Variants in ANKRD6 observed in about 807,000 individuals in gnomAD.
ANKRD6 encodes ankyrin repeat domain-containing protein 6.
In ANKRD6, 56 loss-of-function variants were observed where a neutral mutation model predicts 82.3. The ratio of observed to expected loss-of-function variants is 0.68; its 90% CI spans 0.55 to 0.85. The LOEUF (loss-of-function observed/expected upper bound fraction) is 0.85. Among genes scored for constraint, ANKRD6 ranks in the 40% least tolerant of loss-of-function variants. The pLI, the probability that ANKRD6 is intolerant of heterozygous loss-of-function variation, is 0.00. For missense variants in ANKRD6, 852 were observed against 907.6 expected (o/e 0.94, Z 0.79); for synonymous variants, 347 against 352.1 (o/e 0.99, Z 0.16).
Position 89,627,696 on chromosome 6 carries a change from G to T in ANKRD6, c.1485G>T (p.Gln495His). 6.2e-7 allele frequency: 1 copy of T among 1,613,588 alleles called. No individual in the cohort carries two copies. Among genetic ancestry groups the T allele is most frequent in the South Asian group, 1.1e-5 (1 of 91,064 alleles). ...AGAAGCATGAGGGGGAGAAACGACA[G>T]GTAGGAACCAGCATCTGCTAGTCCT... ...DTEKHEGEKR[Q>H]ISLVDELKTW... Residue 495 changes from glutamine to histidine, a missense_variant and splice_region_variant, in exon 14 of 16, where the codon CAG (glutamine) becomes CAT (histidine). Physicochemically the swap from Gln to His is conservative, Grantham distance 24 (BLOSUM62 0). Coordinates refer to ENST00000339746, the MANE Select transcript of ANKRD6 (RefSeq NM_001242809.2).
chr6:89,472,136 T>C (rs1028746204), intron 1 of ANKRD6, among the ~76,000 whole-genome samples: 1 of 152,086 alleles, frequency 6.6e-6, no homozygotes, highest in Non-Finnish European at 1.5e-5. Flanking sequence ...TAGGGTGGTC[T>C]CCCTATGTAC....
At chr6:89,440,747 A>G (rs1432555874) in intron 1 of ANKRD6, among the ~76,000 whole-genome samples, 3 of 151,840 alleles carry the variant, frequency 2.0e-5, no homozygotes, top group African/African-American at 7.3e-5. Flanking sequence ...GTGCAATATG[A>G]TCATGCCTAT....
intron 2 of ANKRD6, among the ~76,000 whole-genome samples, chr6:89,576,044 C>T (rs1364734728): frequency 6.6e-6 from 1 of 151,974 alleles, no homozygotes; most frequent in African/African-American, 2.4e-5. Flanking sequence ...TTTCCATTTG[C>T]ACAACTTTCT....
In ANKRD6 at chr6:89,622,015, G is replaced by A; in HGVS notation, c.886G>A (p.Ala296Thr). 6.2e-7 allele frequency: 1 copy of A among 1,612,122 alleles called. No homozygotes were observed. Among genetic ancestry groups the A allele is most frequent in the Middle Eastern group, 2.2e-4 (1 of 4,642 alleles). The change falls in exon 10 of 16, where the codon GCC becomes ACC. Residue 296 changes from alanine (A) to threonine (T), a missense_variant. Coordinates refer to ENST00000339746, the MANE Select transcript of ANKRD6 (RefSeq NM_001242809.2). The part of the protein sequence containing the change: ...RAQSVPRDEV[A>T]QSKGSVSAGD... ...CCAGTCTGTGCCAAGAGATGAGGTG[G>A]CCCAAAGCAAGGTGGGGGGCAGTCC...
At chr6:89,621,352 T>C (rs1413768686) in intron 9 of ANKRD6, 1 of 158,696 alleles carries the variant, frequency 6.3e-6, no homozygotes, top group Non-Finnish European at 1.4e-5. Flanking sequence ...CTCTGCACTG[T>C]AAGAGGCAGA....
chr6:89,479,242 GA>G (rs1265329717), intron 1 of ANKRD6, among the ~76,000 whole-genome samples: 1 of 151,994 alleles, frequency 6.6e-6, no homozygotes, highest in Non-Finnish European at 1.5e-5. Flanking sequence ...GCTGAATTTT[GA>G]AGAACCACTG....
intron 1 of ANKRD6, among the ~76,000 whole-genome samples, chr6:89,467,364 G>A (rs1408560587): frequency 1.3e-5 from 2 of 152,066 alleles, no homozygotes; most frequent in Non-Finnish European, 2.9e-5. Flanking sequence ...AGTACTTGTT[G>A]GTAAGTTGAT....
In ANKRD6 at chr6:89,541,387, C is replaced by CTTTTTT. The variant is rs58643589; in HGVS notation, c.-143-25429_-143-25424dup. Among the ~76,000 whole-genome samples the CTTTTTT allele has an allele frequency of 1.3e-3, 82 of 64,088 alleles. 2 individuals are homozygous for CTTTTTT. Among genetic ancestry groups the CTTTTTT allele is most frequent in the Admixed American group, 2.5e-3 (10 of 4,042 alleles). 42.0% of individuals were successfully genotyped at this position (64,088 alleles called of 152,430 possible). A position where few individuals can be genotyped will look rare whatever the true frequency, so the allele number is the denominator to read the frequency against. On this transcript the variant is annotated intron_variant, in intron 1 of 15. Coordinates refer to ENST00000339746, the MANE Select transcript of ANKRD6 (RefSeq NM_001242809.2). ...TCTAGGTATTTAATTTTACGTGTGG[C>CTTTTTT]TTTTTTTTTTTTTTTTTTTTTTTGA...
intron 7 of ANKRD6, 27 bp from the exon 8 acceptor site, chr6:89,616,532 T>A (rs181083561): frequency 2.1e-5 from 34 of 1,610,028 alleles, no homozygotes; most frequent in Middle Eastern, 3.3e-4. Context: ...GCAGATGAGG[T>A]TTAGCAGACC....
At chr6:89,598,243 A>G (rs1221281349) in intron 3 of ANKRD6, 1 of 985,272 alleles carries the variant, frequency 1.0e-6, no homozygotes, top group Non-Finnish European at 1.2e-6. Context: ...GCTTCCTGCC[A>G]ATCGTGTCAA....
At chr6:89,527,408 A>C (rs1782619649) in intron 1 of ANKRD6, among the ~76,000 whole-genome samples, 1 of 152,096 alleles carries the variant, frequency 6.6e-6, no homozygotes, top group African/African-American at 2.4e-5. Flanking sequence ...AGCCTGGCCA[A>C]CATGGTGAAA....
intron 3 of ANKRD6, chr6:89,601,583 T>A (rs1487169644): frequency 1.3e-5 from 2 of 152,230 alleles, no homozygotes; most frequent in African/African-American, 4.8e-5. Context: ...GGGAGACTTT[T>A]TAATTTTAAG....
At chr6:89,552,208 G>T (rs1785948127) in intron 1 of ANKRD6, among the ~76,000 whole-genome samples, 1 of 152,176 alleles carries the variant, frequency 6.6e-6, no homozygotes, top group African/African-American at 2.4e-5. Flanking sequence ...CTTCAGACAG[G>T]GTATTCTTGC....
intron 1 of ANKRD6, among the ~76,000 whole-genome samples, chr6:89,522,424 T>G (rs190215478): frequency 1.3e-5 from 2 of 152,286 alleles, no homozygotes; most frequent in Non-Finnish European, 2.9e-5. Context: ...TTCTGTAGAA[T>G]GAGCTGAAAT....
intron 1 of ANKRD6, among the ~76,000 whole-genome samples, chr6:89,482,988 T>A (rs1258900764): frequency 6.6e-6 from 1 of 152,226 alleles, no homozygotes; most frequent in East Asian, 1.9e-4. Context: ...TGTCTCATAT[T>A]GATCTATAAA....
chr6:89,507,076 TA>T (rs1319043495), intron 1 of ANKRD6, among the ~76,000 whole-genome samples: 1 of 152,240 alleles, frequency 6.6e-6, no homozygotes, highest in Non-Finnish European at 1.5e-5. Context: ...TGTAACAGGG[TA>T]ACTTTTATTA....
chr6:89,618,010 TCTC>T lies in ANKRD6; in HGVS notation c.774_776del (p.Leu259del). On this transcript the variant is annotated inframe_deletion, in exon 9 of 16. Transcript: ENST00000339746. ...ACCACAATAACCCGGAAGTTGCTCT[TCTC>T]CTTACTAAAGCTCCCCAGGTAGGAT... The T allele has an allele frequency of 6.2e-7, 1 of 1,614,056 alleles. No homozygotes were observed. The highest frequency in any genetic ancestry group is 8.5e-7 in the Non-Finnish European group (1 of 1,179,894).
chr6:89,616,835 C>T, intron 8 of ANKRD6, 178 bp downstream of exon 8: 1 of 712,204 alleles, frequency 1.4e-6, no homozygotes. Flanking sequence ...CTGCTCTGAG[C>T]AGCCCCAGGA....
At chr6:89,549,927 GA>G (rs1259272356) in intron 1 of ANKRD6, among the ~76,000 whole-genome samples, 4 of 147,544 alleles carry the variant, frequency 2.7e-5, no homozygotes, top group Non-Finnish European at 4.5e-5. Context: ...AAAAAGAAAA[GA>G]AAAAAAAAGA....
Sources: allele counts gnomAD v4.1 joint callset (sites outside exome capture counted in the v4.1 genomes callset), GRCh38; gene constraint gnomAD v4.1.1; transcripts MANE v1.5; gene names NCBI Gene and HGNC (gene_info 2026-07-23, HGNC 2026-07-21).